The following RNF6 variants were observed in gnomAD, a reference collection of about 807,000 sequenced individuals.
RNF6 encodes ring finger protein 6, also known as E3 ubiquitin-protein ligase RNF6.
RNF6 carries 21 observed loss-of-function variants against 50.1 expected under a neutral mutation model. The observed-to-expected ratio is 0.42, with a 90% CI of 0.30 to 0.60. RNF6 has a LOEUF of 0.60. RNF6 is among the 20% of genes least tolerant of loss of function. RNF6 has a pLI of 0.20. For missense variants in RNF6, 698 were observed against 838.2 expected, an observed-to-expected ratio of 0.83 and a Z score of 2.07; for synonymous variants, 255 against 291.8, an observed-to-expected ratio of 0.87 and a Z score of 1.29.
chr13:26,138,937 A>G (rs1442084746), intron 5 of RNF6, among the ~76,000 whole-genome samples: 1 of 152,178 alleles, frequency 6.6e-6, no homozygotes, highest in Non-Finnish European at 1.5e-5. Flanking sequence ...TCAGACGGGT[A>G]TCCTCAAATT....
Position 26,214,826 on chromosome 13 carries a change from C to T in RNF6, c.1056G>A (p.Glu352=). 6.2e-7 allele frequency: 1 copy of T among 1,614,172 alleles called. No individual in the cohort carries two copies. The highest frequency in any genetic ancestry group is 8.5e-7 in the Non-Finnish European group (1 of 1,180,038). ...RRRGRTRVFL[E]QDRERERRGT... is the part of the protein sequence containing the mutation. ...CTCTGCGTTCTCGTTCTCTATCTTG[C>T]TCTAAAAAGACTCGAGTTCTACCTC... is the stretch of plus-strand genomic sequence containing the variant. Residue 352 remains glutamate (E), a synonymous_variant, in exon 5 of 5, where the codon GAG becomes GAA. Transcript: ENST00000381588.
intron 5 of RNF6, among the ~76,000 whole-genome samples, chr13:26,135,754 G>T (rs547510187): frequency 6.6e-6 from 1 of 152,296 alleles, no homozygotes; most frequent in Admixed American, 6.5e-5. Flanking sequence ...GGCCTAGGAG[G>T]TGGTGTTTGC....
intron 5 of RNF6, among the ~76,000 whole-genome samples, chr13:26,191,197 G>C (rs1158254626): frequency 6.8e-6 from 1 of 147,112 alleles, no homozygotes; most frequent in African/African-American, 2.4e-5. Context: ...TTGGCCATCT[G>C]TTTAGAAGGA....
chr13:26,174,403 C>T (rs1444970133), intron 5 of RNF6, among the ~76,000 whole-genome samples: 1 of 152,060 alleles, frequency 6.6e-6, no homozygotes, highest in African/African-American at 2.4e-5. Context: ...GTAATCCCAG[C>T]ACTTTGGGAG....
In RNF6 at chr13:26,214,339, C is replaced by G. The variant is rs761269053; in HGVS notation, c.1543G>C (p.Asp515His). The G allele has an allele frequency of 3.7e-6, 6 of 1,614,016 alleles. No homozygotes were observed. The highest frequency in any genetic ancestry group is 5.1e-6 in the Non-Finnish European group (6 of 1,180,026). The change falls in exon 5 of 5, where the codon GAC (aspartate) becomes CAC (histidine). Residue 515 changes from aspartate (D) to histidine (H), a missense_variant. Asp to His is a moderately conservative substitution (Grantham distance 81). Transcript: ENST00000381588. Reference sequence around the variant, plus strand: ...AAGTTACTCAGTTCTGAGTGCATGTCTGGTAAATGCTGGCCATTTCTTTGA... The same window carrying G: ...AAGTTACTCAGTTCTGAGTGCATGTGTGGTAAATGCTGGCCATTTCTTTGA... ...ELQRNGQHLP[D>H]MHSELSNLGT...
At chr13:26,163,857 C>G (rs189489741) in intron 5 of RNF6, among the ~76,000 whole-genome samples, 189 of 152,254 alleles carry the variant, frequency 1.2e-3, no homozygotes, top group Admixed American at 3.3e-3. Flanking sequence ...AGGTTTTATT[C>G]TGACCCTGCC....
chr13:26,210,554 T>C (rs983585980), downstream of RNF6, among the ~76,000 whole-genome samples: 2 of 152,214 alleles, frequency 1.3e-5, no homozygotes, highest in East Asian at 1.9e-4. Flanking sequence ...TATTTGCCTA[T>C]GGAAATTAGG....
chr13:26,203,320 C>G (rs770582744), intron 5 of RNF6, among the ~76,000 whole-genome samples: 30 of 152,206 alleles, frequency 2.0e-4, no homozygotes, highest in Admixed American at 3.9e-4. Context: ...GTTAGCTTCT[C>G]TGATGGCAAT....
chr13:26,132,294 A>G, exon 6 of RNF6: 1 of 341,290 alleles, frequency 2.9e-6, no homozygotes, highest in Non-Finnish European at 5.8e-6. Flanking sequence ...TAAAAGAAAA[A>G]AAACTGTTTG....
chr13:26,156,709 C>CA (rs1162654623), intron 5 of RNF6, among the ~76,000 whole-genome samples: 10 of 152,086 alleles, frequency 6.6e-5, no homozygotes, highest in Admixed American at 6.6e-4. Flanking sequence ...GAAATAAAAA[C>CA]AAAAATAAAA....
intron 5 of RNF6, chr13:26,154,153 A>C (rs537999035): frequency 6.6e-6 from 1 of 152,442 alleles, no homozygotes; most frequent in Non-Finnish European, 1.5e-5. Context: ...GGGAGAAATG[A>C]CCACACACTG....
Position 26,197,523 on chromosome 13 carries a change from C to G in RNF6, n.768+17951G>C, listed in dbSNP as rs115886566. ...CCTAATTATATTTACATTGGCCAAC[C>G]CTTGTACCCATTTTTTGAAATTTTG... On this transcript the variant is annotated intron_variant and non_coding_transcript_variant, in intron 5 of 5. Coordinates refer to the RNF6 transcript ENST00000468480. Among the ~76,000 whole-genome samples the G allele has an allele frequency of 5.0e-3, 758 of 151,786 alleles. 23 individuals carry two copies. Among genetic ancestry groups the G allele is most frequent in the African/African-American group, 0.017 (718 of 41,146 alleles).
rs1314334745 is a variant in RNF6, at chr13:26,148,631, TTTATATATA to T, written n.769-16189_769-16181del. On this transcript the variant is annotated intron_variant and non_coding_transcript_variant, in intron 5 of 5. Coordinates refer to the RNF6 transcript ENST00000468480. ...AAATAGAAACAATAGTATAAATCTC[TTTATATATA>T]TATATATATATATATATATATATAT... Among the ~76,000 whole-genome samples, 17 of 77,804 alleles carry T rather than the reference TTTATATATA, an allele frequency of 2.2e-4. 1 individual carries two copies. In the South Asian group the frequency reaches 5.9e-3, roughly 27 times the overall value. The allele number at this position is 77,804 out of a possible 152,430, so 51.0% of individuals were successfully genotyped here. A position where few individuals can be genotyped will look rare whatever the true frequency, so the allele number is the denominator to read the frequency against.
chr13:26,161,545 C>T (rs1011453692), intron 5 of RNF6, among the ~76,000 whole-genome samples: 11 of 152,086 alleles, frequency 7.2e-5, no homozygotes, highest in African/African-American at 2.7e-4. Context: ...ATTGCTTTTT[C>T]CCCTAGGGTA....
intron 5 of RNF6, among the ~76,000 whole-genome samples, chr13:26,202,915 A>G (rs891805933): frequency 1.3e-5 from 2 of 152,364 alleles, no homozygotes; most frequent in African/African-American, 4.8e-5. Flanking sequence ...AATGTTAATA[A>G]TATTTTATGC....
chr13:26,146,545 G>A (rs796554496), intron 5 of RNF6, among the ~76,000 whole-genome samples: 11 of 152,252 alleles, frequency 7.2e-5, no homozygotes, highest in African/African-American at 2.6e-4. Flanking sequence ...TATGTTTTCT[G>A]GACCACCCTA....
downstream of RNF6, among the ~76,000 whole-genome samples, chr13:26,211,743 G>A (rs760433725): frequency 2.6e-5 from 4 of 152,162 alleles, no homozygotes; most frequent in Admixed American, 6.5e-5. Context: ...GGGCAACAGA[G>A]TGAGACTCTG....
chr13:26,175,819 A>G (rs74680701), intron 5 of RNF6, among the ~76,000 whole-genome samples: 1 of 152,304 alleles, frequency 6.6e-6, no homozygotes, highest in East Asian at 1.9e-4. Flanking sequence ...TTGAAAATGC[A>G]CATGGAAAAC....
chr13:26,186,076 A>T (rs1160328919), intron 5 of RNF6, among the ~76,000 whole-genome samples: 1 of 152,186 alleles, frequency 6.6e-6, no homozygotes, highest in Non-Finnish European at 1.5e-5. Context: ...TGCGATAGGG[A>T]AGCCAGTCAG....
Sources: allele counts gnomAD v4.1 joint callset (sites outside exome capture counted in the v4.1 genomes callset), GRCh38; gene constraint gnomAD v4.1.1; transcripts MANE v1.5; gene names NCBI Gene and HGNC (gene_info 2026-07-23, HGNC 2026-07-21).